The following PPM1H variants were observed in gnomAD, a reference collection of about 807,000 sequenced individuals.
PPM1H encodes the protein protein phosphatase, Mg2+/Mn2+ dependent 1H, also known as protein phosphatase 1H.
In PPM1H, 27 loss-of-function variants were observed where a neutral mutation model predicts 54.9. The ratio of observed to expected loss-of-function variants is 0.49; its 90% confidence interval spans 0.36 to 0.68. The LOEUF (loss-of-function observed/expected upper bound fraction) is 0.68. PPM1H is among the 30% of genes least tolerant of loss of function. The pLI, the probability that PPM1H is intolerant of heterozygous loss-of-function variation, is 0.00. For synonymous variants in PPM1H, 305 were observed against 270.8 expected, an observed-to-expected ratio of 1.13 and a Z score of -1.24; for missense variants, 596 against 667.8, an observed-to-expected ratio of 0.89 and a Z score of 1.19.
At position 62,844,409 on chromosome 12, in the gene PPM1H, C is replaced by A. The variant is rs1305853206; in HGVS notation, c.246-12130G>T. On this transcript the variant is annotated intron_variant, in intron 1 of 9. Transcript: ENST00000228705. This position sits in a 1 kb window ranked among gnomAD's most constrained non-coding sequence, Gnocchi z 5.2. The stretch of plus-strand genomic sequence containing the variant: ...TATCTCTGATGCTGCTTCTTCATTG[C>A]TAATCATTTATAGGAAAAAGCAGAA... Among the ~76,000 whole-genome samples the A allele has an allele frequency of 1.3e-5, 2 of 152,126 alleles. No individual in the cohort carries two copies.
intron 5 of PPM1H, among the ~76,000 whole-genome samples, chr12:62,722,425 G>T (rs1379378617): frequency 6.6e-6 from 1 of 152,174 alleles, no homozygotes; most frequent in Non-Finnish European, 1.5e-5. Flanking sequence ...GAGAGGTTAA[G>T]ACCTAGCCCG....
chr12:62,681,777 A>G (rs1185487867), intron 8 of PPM1H, among the ~76,000 whole-genome samples: 5 of 152,196 alleles, frequency 3.3e-5, no homozygotes, highest in Admixed American at 3.3e-4. Flanking sequence ...TTCCTTGAAG[A>G]TATGTTCCCC....
intron 9 of PPM1H, among the ~76,000 whole-genome samples, chr12:62,665,236 T>C (rs992581881): frequency 9.9e-5 from 15 of 152,124 alleles, no homozygotes; most frequent in Non-Finnish European, 1.3e-4. Context: ...TTAGTAGAGA[T>C]GGGAGTTTCG....
Position 62,887,444 on chromosome 12 carries a change from T to C in PPM1H, c.245+47048A>G, listed in dbSNP as rs887425151. Among the ~76,000 whole-genome samples the C allele has an allele frequency of 3.3e-5, 5 of 152,314 alleles. No individual in the cohort carries two copies. In the East Asian group the frequency reaches 9.6e-4, roughly 29 times the overall value. On this transcript the variant is annotated intron_variant, in intron 1 of 9. Transcript: ENST00000228705. ...CACGTTTTCATGTTCAAGTGACAAT[T>C]GCCAATGCTTATTGAGCAGTTATTA...
Position 62,838,340 on chromosome 12 carries a change from G to T in PPM1H, c.246-6061C>A, listed in dbSNP as rs60878841. 4.3e-3 allele frequency among the ~76,000 whole-genome samples: 456 copies of T among 106,202 alleles called. 17 individuals carry two copies. Among genetic ancestry groups the T allele is most frequent in the Middle Eastern group, 0.015 (3 of 198 alleles). The allele number at this position is 106,202 out of a possible 152,430, so 69.7% of individuals were successfully genotyped here. On this transcript the variant is annotated intron_variant, in intron 1 of 9. Coordinates refer to ENST00000228705, the MANE Select transcript of PPM1H (RefSeq NM_020700.2). ...GTAAAATACAGTGTGTGTGTGTGTG[G>T]GGGGGGGGAGATGAATAACTTATGG...
Position 62,934,888 on chromosome 12 carries a change from T to C in PPM1H, c.-152A>G. 1.5e-6 allele frequency: 1 copy of C among 665,518 alleles called. No homozygotes were observed. Among genetic ancestry groups the C allele is most frequent in the Non-Finnish European group, 2.1e-6 (1 of 483,908 alleles). 41.2% of individuals were successfully genotyped at this position (665,518 alleles called of 1,614,324 possible). A position where few individuals can be genotyped will look rare whatever the true frequency, so the allele number is the denominator to read the frequency against. Reference sequence around the variant, plus strand: ...GCGCGCGGCTCCCAGAGCCTAGTGCTGCAGGGGGCCGAGCCCCGGCCTCTC... The same window carrying C: ...GCGCGCGGCTCCCAGAGCCTAGTGCCGCAGGGGGCCGAGCCCCGGCCTCTC... On this transcript the variant is annotated 5_prime_UTR_variant, in exon 1 of 10. Coordinates refer to ENST00000228705, the MANE Select transcript of PPM1H (RefSeq NM_020700.2). This position sits in a 1 kb window ranked among gnomAD's most constrained non-coding sequence, Gnocchi z 4.2.
chr12:62,731,813 T>C lies in PPM1H; in HGVS notation c.954+5689A>G, dbSNP rs555253625. Among the ~76,000 whole-genome samples the C allele has an allele frequency of 3.2e-4, 48 of 152,270 alleles. 1 individual carries two copies. The highest frequency in any genetic ancestry group is 2.6e-4 in the Admixed American group (4 of 15,302). The stretch of plus-strand genomic sequence containing the variant: ...AGTTTATAAATATGTACCGGCAGAA[T>C]GGAGGGAAAACCATCACTCTCATAC... On this transcript the variant is annotated intron_variant, in intron 5 of 9. Coordinates refer to ENST00000228705, the MANE Select transcript of PPM1H (RefSeq NM_020700.2).
At chr12:62,755,554 CACTT>C in intron 4 of PPM1H, 5 of 660,500 alleles carry the variant, frequency 7.6e-6, no homozygotes, top group African/African-American at 1.8e-5. Flanking sequence ...GGCTGGGACT[CACTT>C]GCAGCGGGGA....
intron 2 of PPM1H, among the ~76,000 whole-genome samples, chr12:62,823,899 G>A (rs1193883901): frequency 1.3e-5 from 2 of 152,160 alleles, no homozygotes; most frequent in African/African-American, 4.8e-5. Flanking sequence ...GTTCTGGCCA[G>A]GGCAATCAGG....
rs1001797967 is a variant in PPM1H, at chr12:62,661,586, G to A, written c.1397+5592C>T. ...TAATTTTTGTATTTTTAGTATAGAC[G>A]GGGTTTCGCCATATTGGCCAGGCTG... On this transcript the variant is annotated intron_variant, in intron 9 of 9. Transcript: ENST00000228705. 1.9e-4 allele frequency among the ~76,000 whole-genome samples: 29 copies of A among 152,202 alleles called. 1 individual carries two copies. The highest frequency in any genetic ancestry group is 3.4e-3 in the Middle Eastern group (1 of 294).
intron 2 of PPM1H, among the ~76,000 whole-genome samples, chr12:62,831,043 T>C (rs979505929): frequency 7.3e-5 from 11 of 151,644 alleles, no homozygotes; most frequent in East Asian, 5.8e-4. Flanking sequence ...TTAGTAGAGA[T>C]GGGGTTTCAC....
chr12:62,925,597 A>T (rs1303940116), intron 1 of PPM1H, among the ~76,000 whole-genome samples: 1 of 152,182 alleles, frequency 6.6e-6, no homozygotes, highest in African/African-American at 2.4e-5. Flanking sequence ...CAAATGAACA[A>T]ACAACAATGA....
At chr12:62,698,069 T>C (rs2076123614) in intron 6 of PPM1H, among the ~76,000 whole-genome samples, 1 of 152,118 alleles carries the variant, frequency 6.6e-6, no homozygotes, top group Non-Finnish European at 1.5e-5. Context: ...AAAGTAATAG[T>C]TTCCTTTGTA....
intron 3 of PPM1H, among the ~76,000 whole-genome samples, chr12:62,794,711 T>C (rs112114277): frequency 2.0e-5 from 3 of 152,296 alleles, no homozygotes; most frequent in African/African-American, 7.2e-5. Context: ...ACTTCCTCCA[T>C]GAGTCTGAAA....
At chr12:62,685,274 A>G (rs537115981) in intron 8 of PPM1H, among the ~76,000 whole-genome samples, 41 of 152,264 alleles carry the variant, frequency 2.7e-4, no homozygotes, top group African/African-American at 7.5e-4. Flanking sequence ...TCTGAGGCCA[A>G]TAGTATTTCT....
chr12:62,660,181 A>G (rs1183494750), intron 9 of PPM1H, among the ~76,000 whole-genome samples: 1 of 152,216 alleles, frequency 6.6e-6, no homozygotes, highest in Non-Finnish European at 1.5e-5. Context: ...CTCTTTGTCC[A>G]TGAGCCTCCC....
intron 7 of PPM1H, among the ~76,000 whole-genome samples, chr12:62,691,901 C>G (rs756748325): frequency 5.3e-5 from 8 of 151,976 alleles, no homozygotes; most frequent in African/African-American, 1.9e-4. Context: ...CCAAGAAGTG[C>G]TCAACTCTAA....
At chr12:62,670,125 G>C (rs545070651) in intron 8 of PPM1H, among the ~76,000 whole-genome samples, 2 of 151,542 alleles carry the variant, frequency 1.3e-5, no homozygotes, top group Admixed American at 6.6e-5. Flanking sequence ...TTACAGGCAT[G>C]TGCCACCACG....
At position 62,894,121 on chromosome 12, in the gene PPM1H, C is replaced by G. The variant is rs557502306; in HGVS notation, c.245+40371G>C. ...CTGACAATACAATGTAGAGCAGAGA[C>G]AAGCCATCTCATTGAACCCCATCAA... On this transcript the variant is annotated intron_variant, in intron 1 of 9. Coordinates refer to ENST00000228705, the MANE Select transcript of PPM1H (RefSeq NM_020700.2). Among the ~76,000 whole-genome samples, 92 of 152,280 alleles carry G rather than the reference C, an allele frequency of 6.0e-4. 1 individual carries two copies. The highest frequency in any genetic ancestry group is 3.2e-4 in the Non-Finnish European group (22 of 68,028).
Sources: gnomAD v4.1 joint callset for allele counts (sites outside exome capture counted in the v4.1 genomes callset) on GRCh38, gnomAD v4.1.1 for gene constraint, Gnocchi (gnomAD v3.1) non-coding constraint, MANE v1.5 for transcripts, NCBI Gene and HGNC (gene_info 2026-07-23, HGNC 2026-07-21) for gene names.